TXK: variants seen among roughly 807,000 people sequenced by gnomAD.
TXK encodes TXK tyrosine kinase.
A neutral mutation model predicts 81.0 loss-of-function variants in TXK; 60 were observed. The observed-to-expected ratio is 0.74, with a 90% confidence interval of 0.60 to 0.92. The LOEUF (loss-of-function observed/expected upper bound fraction) is 0.92. TXK is among the 40% of genes least tolerant of loss of function. The pLI is 0.00. For synonymous variants in TXK, 203 were observed against 210.7 expected, an observed-to-expected ratio of 0.96 and a Z score of 0.32; for missense variants, 581 against 638.3, an observed-to-expected ratio of 0.91 and a Z score of 0.97.
chr4:48,073,916 G>A lies in TXK; in HGVS notation c.1357+19C>T. 1 of 1,456,318 alleles carries A rather than the reference G, an allele frequency of 6.9e-7. No homozygotes were observed. Among genetic ancestry groups the A allele is most frequent in the Non-Finnish European group, 9.5e-7 (1 of 1,051,044 alleles). The allele number at this position is 1,456,318 out of a possible 1,614,324, so 90.2% of individuals were successfully genotyped here. A position where few individuals can be genotyped will look rare whatever the true frequency, so the allele number is the denominator to read the frequency against. On this transcript the variant is annotated intron_variant, in intron 13 of 14. Coordinates refer to ENST00000264316, the MANE Select transcript of TXK (RefSeq NM_003328.3). ...TTTATTAAATCAAGCTCCAGCAAGT[G>A]AACATCAGATGCACTCACCAAATGA... is the stretch of plus-strand genomic sequence containing the variant.
At chr4:48,118,983 G>C (rs1718881591) in intron 1 of TXK, among the ~76,000 whole-genome samples, 1 of 152,172 alleles carries the variant, frequency 6.6e-6, no homozygotes, top group Non-Finnish European at 1.5e-5. Flanking sequence ...CAGCAGTACT[G>C]GAACTGTCAC....
chr4:48,068,331 C>A (rs1716689960), intron 14 of TXK, among the ~76,000 whole-genome samples: 2 of 152,102 alleles, frequency 1.3e-5, no homozygotes, highest in Admixed American at 1.3e-4. Context: ...ATACCAGGCT[C>A]CCAAGCTCAG....
At chr4:48,089,891 T>C (rs1337601705) in intron 8 of TXK, 67 bp from the exon 9 acceptor site, 2 of 1,109,730 alleles carry the variant, frequency 1.8e-6, no homozygotes, top group African/African-American at 1.6e-5. Flanking sequence ...TGAAATATTC[T>C]AGAAGACAGT....
Position 48,131,335 on chromosome 4 carries a change from T to C in TXK, c.16+2820A>G, listed in dbSNP as rs202128776. 7.3e-5 allele frequency among the ~76,000 whole-genome samples: 10 copies of C among 136,374 alleles called. No individual in the cohort carries two copies. The South Asian group carries it at 2.2e-3, about 30-fold the overall frequency. 89.5% of individuals were successfully genotyped at this position (136,374 alleles called of 152,430 possible). On this transcript the variant is annotated intron_variant, in intron 1 of 14. Coordinates refer to ENST00000264316, the MANE Select transcript of TXK (RefSeq NM_003328.3). ...ATATAAACTTTTTTTTTTTTTTTTT[T>C]AAAAGACTGGGTCTCACTTTGTCAC...
At chr4:48,097,112 GAATATAATATGACTAGTAAATTCAAA>G (rs1718010474) in intron 6 of TXK, among the ~76,000 whole-genome samples, 2 of 151,952 alleles carry the variant, frequency 1.3e-5, no homozygotes, top group Non-Finnish European at 2.9e-5. Flanking sequence ...ATTAAAGTAA[GAATATAATATGACTAGTAAATTCAAA>G]ATCTGGTTGC....
chr4:48,090,824 G>A (rs552771880), intron 8 of TXK, among the ~76,000 whole-genome samples: 2 of 152,368 alleles, frequency 1.3e-5, no homozygotes, highest in African/African-American at 2.4e-5. Flanking sequence ...TAGAGTGGGT[G>A]CTCAGGGAAG....
At position 48,089,830 on chromosome 4, in the gene TXK, G is replaced by A. The variant is rs1717688952; in HGVS notation, c.710-6C>T. The A allele has an allele frequency of 1.2e-6, 2 of 1,606,758 alleles. No individual in the cohort carries two copies. The highest frequency in any genetic ancestry group is 1.3e-5 in the African/African-American group (1 of 74,852). On this transcript the variant is annotated splice_polypyrimidine_tract_variant and splice_region_variant and intron_variant, in intron 8 of 14. Transcript: ENST00000264316. Reference sequence around the variant, plus strand: ...TCGGAGACGAGTCATGAGACCTAAGGAGAAAGAGAAATCAATATTTCAAGC... The same window carrying A: ...TCGGAGACGAGTCATGAGACCTAAGAAGAAAGAGAAATCAATATTTCAAGC...
In TXK at chr4:48,126,368, C is replaced by A. The variant is rs568559171; in HGVS notation, c.16+7787G>T. Reference sequence around the variant, plus strand: ...TATTGTAAGAATACAGTGTATGATACACATAACATACAAAATACGTGTTGA... The same window carrying A: ...TATTGTAAGAATACAGTGTATGATAAACATAACATACAAAATACGTGTTGA... On this transcript the variant is annotated intron_variant, in intron 1 of 14. Coordinates refer to ENST00000264316, the MANE Select transcript of TXK (RefSeq NM_003328.3). 8.4e-4 allele frequency among the ~76,000 whole-genome samples: 128 copies of A among 152,290 alleles called. 1 individual carries two copies. The South Asian group carries it at 0.026, about 31-fold the overall frequency.
chr4:48,103,346 G>A (rs143886919), intron 6 of TXK, among the ~76,000 whole-genome samples: 2 of 152,188 alleles, frequency 1.3e-5, no homozygotes, highest in East Asian at 3.9e-4. Flanking sequence ...CTTACAAAAG[G>A]CCATTTGCTG....
chr4:48,113,375 G>T (rs774477647), intron 2 of TXK, 66 bp from the exon 3 acceptor site: 1 of 1,243,636 alleles, frequency 8.0e-7, no homozygotes, highest in Non-Finnish European at 1.1e-6. Flanking sequence ...ACATCCACTA[G>T]ATTTTCACAG....
intron 1 of TXK, among the ~76,000 whole-genome samples, chr4:48,120,221 A>G: frequency 1.1e-5 from 1 of 94,438 alleles, no homozygotes; most frequent in Admixed American, 1.4e-4. Context: ...ATATGTACAT[A>G]TATACGTATA....
intron 8 of TXK, among the ~76,000 whole-genome samples, chr4:48,090,752 C>T (rs1015244154): frequency 6.6e-6 from 1 of 152,112 alleles, no homozygotes; most frequent in African/African-American, 2.4e-5. Context: ...GGCATGCACA[C>T]ACAAGAAAAA....
chr4:48,114,626 T>A, intron 1 of TXK: 1 of 551,078 alleles, frequency 1.8e-6, no homozygotes, highest in African/African-American at 1.9e-5. Context: ...TCTGGCCTGG[T>A]TTTTGCATTT....
chr4:48,094,656 C>A (rs777727742), intron 7 of TXK, among the ~76,000 whole-genome samples: 3 of 152,162 alleles, frequency 2.0e-5, no homozygotes, highest in Non-Finnish European at 2.9e-5. Flanking sequence ...GAACACACCT[C>A]ACAATTGTCC....
chr4:48,089,769 G>T lies in TXK; in HGVS notation c.765C>A (p.Ala255=), dbSNP rs1283010331. 2.5e-6 allele frequency: 4 copies of T among 1,613,354 alleles called. No individual in the cohort carries two copies. In the African/African-American group the frequency reaches 5.3e-5, roughly 22 times the overall value. Residue 255 remains alanine (A), a synonymous_variant, in exon 9 of 15, where the codon GCC becomes GCA. Transcript: ENST00000264316. ...CTTTACCGTAGCTAAACCCAGCTGT[G>T]GCTGGTAAACAACTGCCCATCAGCC... is the stretch of plus-strand genomic sequence containing the variant. ...PVGLMGSCLP[A]TAGFSYEKWE...
chr4:48,110,445 T>C, intron 5 of TXK, 93 bp downstream of exon 5: 1 of 839,298 alleles, frequency 1.2e-6, no homozygotes, highest in Non-Finnish European at 1.9e-6. Context: ...TGTGTTACTT[T>C]TTTTTCCTTC....
At chr4:48,122,316 G>A (rs1370451795) in intron 1 of TXK, among the ~76,000 whole-genome samples, 2 of 152,150 alleles carry the variant, frequency 1.3e-5, no homozygotes, top group Non-Finnish European at 2.9e-5. Context: ...CAATGCTGCT[G>A]CTGGAGCCAT....
chr4:48,077,200 C>T (rs1228303013), intron 11 of TXK, among the ~76,000 whole-genome samples: 1 of 152,058 alleles, frequency 6.6e-6, no homozygotes, highest in Non-Finnish European at 1.5e-5. Context: ...AACAATATGT[C>T]TGATGCCAAA....
At chr4:48,132,560 T>C (rs573560652) in intron 1 of TXK, among the ~76,000 whole-genome samples, 1 of 152,324 alleles carries the variant, frequency 6.6e-6, no homozygotes, top group Non-Finnish European at 1.5e-5. Context: ...CTTTGAGAGC[T>C]TATTTATACA....
Sources: allele counts gnomAD v4.1 joint callset (sites outside exome capture counted in the v4.1 genomes callset), GRCh38; gene constraint gnomAD v4.1.1; transcripts MANE v1.5; gene names NCBI Gene and HGNC (gene_info 2026-07-23, HGNC 2026-07-21).